Variants in EPHA6 observed in about 807,000 individuals in gnomAD.
EPHA6 encodes the protein EPH receptor A6, also known as ephrin type-A receptor 6.
A neutral mutation model predicts 112.0 loss-of-function variants in EPHA6; 50 were observed. The ratio of observed to expected loss-of-function variants is 0.45; its 90% CI spans 0.36 to 0.56. The LOEUF (loss-of-function observed/expected upper bound fraction) is 0.56. Ranked by LOEUF, EPHA6 falls within the 20% of genes least tolerant of loss-of-function variation. The pLI is 0.00. For synonymous variants in EPHA6, 529 were observed against 490.7 expected (o/e 1.08, Z -1.03); for missense variants, 1,280 against 1,417.4 (o/e 0.90, Z 1.56).
chr3:97,084,911 A>G (rs181925843), intron 3 of EPHA6, among the ~76,000 whole-genome samples: 3 of 152,166 alleles, frequency 2.0e-5, no homozygotes, highest in Non-Finnish European at 4.4e-5. Flanking sequence ...ATTCCAAAAA[A>G]TACTTGTGAG....
chr3:97,267,964 G>T (rs1423164502), intron 5 of EPHA6, among the ~76,000 whole-genome samples: 3 of 152,144 alleles, frequency 2.0e-5, no homozygotes, highest in Non-Finnish European at 4.4e-5. Context: ...TAAAAAAAGA[G>T]TTTATTTTTC....
intron 5 of EPHA6, among the ~76,000 whole-genome samples, chr3:97,398,796 A>G (rs572515287): frequency 6.6e-6 from 1 of 151,556 alleles, no homozygotes; most frequent in Admixed American, 6.6e-5. Flanking sequence ...AAAGTATAAT[A>G]TTTTTGCCTC....
intron 5 of EPHA6, among the ~76,000 whole-genome samples, chr3:97,350,276 G>A (rs945258701): frequency 6.6e-6 from 1 of 151,956 alleles, no homozygotes; most frequent in Non-Finnish European, 1.5e-5. Flanking sequence ...TGAGAAACAT[G>A]GTGGAACTGC....
intron 3 of EPHA6, among the ~76,000 whole-genome samples, chr3:97,073,502 G>A (rs1003646658): frequency 6.6e-6 from 1 of 152,102 alleles, no homozygotes; most frequent in Non-Finnish European, 1.5e-5. Flanking sequence ...GTGTTAGAAT[G>A]ATACTACTTA....
chr3:97,422,687 A>AT (rs2088770678), intron 6 of EPHA6, among the ~76,000 whole-genome samples: 1 of 152,176 alleles, frequency 6.6e-6, no homozygotes, highest in Admixed American at 6.5e-5. Flanking sequence ...CCATAAAGCA[A>AT]TTCTCAACAA....
At chr3:97,591,043 GC>G (rs2093539260) in intron 11 of EPHA6, among the ~76,000 whole-genome samples, 12 of 152,110 alleles carry the variant, frequency 7.9e-5, no homozygotes, top group Admixed American at 7.9e-4. Flanking sequence ...TTACCACTTG[GC>G]ATTCTTGCCC....
intron 3 of EPHA6, among the ~76,000 whole-genome samples, chr3:97,216,164 CT>C: frequency 6.6e-6 from 1 of 152,178 alleles, no homozygotes; most frequent in Non-Finnish European, 1.5e-5. Flanking sequence ...GCTCCAGCAT[CT>C]GCTTCTGGTG....
At chr3:97,054,909 T>C (rs1289736409) in intron 3 of EPHA6, among the ~76,000 whole-genome samples, 1 of 152,120 alleles carries the variant, frequency 6.6e-6, no homozygotes, top group Non-Finnish European at 1.5e-5. Flanking sequence ...TTCACTTTCT[T>C]CCATTGCCCT....
At chr3:97,052,543 G>A (rs905111534) in intron 3 of EPHA6, among the ~76,000 whole-genome samples, 4 of 152,082 alleles carry the variant, frequency 2.6e-5, no homozygotes, top group African/African-American at 9.7e-5. Flanking sequence ...TGTTGACTAA[G>A]TAAATAATTT....
chr3:97,220,230 C>A (rs1389405476), intron 3 of EPHA6, among the ~76,000 whole-genome samples: 1 of 152,212 alleles, frequency 6.6e-6, no homozygotes, highest in African/African-American at 2.4e-5. Context: ...TTCCTGTCTT[C>A]TTCTGAGCCC....
chr3:96,847,670 A>G (rs924936275), intron 1 of EPHA6, among the ~76,000 whole-genome samples: 9 of 152,100 alleles, frequency 5.9e-5, no homozygotes, highest in African/African-American at 2.2e-4. Flanking sequence ...ACAAGAAGTT[A>G]TTTTTGCTAA....
intron 13 of EPHA6, among the ~76,000 whole-genome samples, chr3:97,621,885 G>T (rs780046295): frequency 1.3e-5 from 2 of 151,838 alleles, no homozygotes; most frequent in South Asian, 2.1e-4. Context: ...AAGCCAGATT[G>T]CAGAGAGCAA....
At chr3:96,991,251 T>A (rs2043205440) in intron 3 of EPHA6, among the ~76,000 whole-genome samples, 1 of 152,326 alleles carries the variant, frequency 6.6e-6, no homozygotes, top group East Asian at 1.9e-4. Context: ...TGTTATTCAT[T>A]GCTATGAGAC....
intron 12 of EPHA6, among the ~76,000 whole-genome samples, chr3:97,595,041 A>T (rs928770446): frequency 1.3e-5 from 2 of 152,198 alleles, no homozygotes; most frequent in African/African-American, 4.8e-5. Context: ...TATATATAAT[A>T]GTTTGTGCTT....
At chr3:96,861,069 T>C (rs1354675459) in intron 1 of EPHA6, among the ~76,000 whole-genome samples, 2 of 152,054 alleles carry the variant, frequency 1.3e-5, no homozygotes, top group African/African-American at 2.4e-5. Flanking sequence ...AGTTATCCTT[T>C]GGTCTCTGTG....
At chr3:97,455,426 T>C (rs2090650571) in intron 7 of EPHA6, among the ~76,000 whole-genome samples, 1 of 152,104 alleles carries the variant, frequency 6.6e-6, no homozygotes, top group Non-Finnish European at 1.5e-5. Context: ...GGGGTTATTA[T>C]GGCATTAGGC....
At chr3:97,719,471 T>C (rs2034427490) in intron 14 of EPHA6, among the ~76,000 whole-genome samples, 2 of 152,156 alleles carry the variant, frequency 1.3e-5, no homozygotes, top group Admixed American at 1.3e-4. Context: ...GTAAATCAAA[T>C]GGATGAATTG....
chr3:96,911,695 G>T (rs2039223028), intron 2 of EPHA6, among the ~76,000 whole-genome samples: 1 of 151,882 alleles, frequency 6.6e-6, no homozygotes, highest in Non-Finnish European at 1.5e-5. Flanking sequence ...TAATACAATG[G>T]AATATTTTTT....
intron 2 of EPHA6, among the ~76,000 whole-genome samples, chr3:96,877,889 C>A (rs1182607538): frequency 6.8e-6 from 1 of 146,910 alleles, no homozygotes; most frequent in Non-Finnish European, 1.5e-5. Flanking sequence ...TTAGGATTTG[C>A]GTGTGTATAT....
Sources: allele counts gnomAD v4.1 joint callset (sites outside exome capture counted in the v4.1 genomes callset), GRCh38; gene constraint gnomAD v4.1.1; transcripts MANE v1.5; gene names NCBI Gene and HGNC (gene_info 2026-07-23, HGNC 2026-07-21).